KCTD8: variants seen among roughly 807,000 people sequenced by gnomAD.
The protein encoded by KCTD8 is potassium channel tetramerization domain containing 8.
A neutral mutation model predicts 31.5 loss-of-function variants in KCTD8; 27 were observed. The observed-to-expected ratio is 0.86, with a 90% CI of 0.63 to 1.18. KCTD8 has a LOEUF of 1.18. Among genes scored for constraint, KCTD8 ranks in the 50% most tolerant of loss-of-function variants. The pLI is 0.00. For missense variants in KCTD8, 658 were observed against 647.7 expected (o/e 1.02, Z -0.17); for synonymous variants, 290 against 280.0 (o/e 1.04, Z -0.36).
At chr4:44,316,774 C>A (rs1169345898) in intron 1 of KCTD8, among the ~76,000 whole-genome samples, 1 of 124,886 alleles carries the variant, frequency 8.0e-6, no homozygotes, top group African/African-American at 3.1e-5. Flanking sequence ...CACAGTGAAA[C>A]CCCATCTCTA....
chr4:44,203,464 T>C (rs1253555458), intron 1 of KCTD8, among the ~76,000 whole-genome samples: 4 of 128,718 alleles, frequency 3.1e-5, no homozygotes, highest in African/African-American at 9.1e-5. Context: ...TACTCCAGCC[T>C]GGGCTGGGCA....
intron 1 of KCTD8, among the ~76,000 whole-genome samples, chr4:44,444,804 G>A (rs1044606806): frequency 5.5e-5 from 8 of 144,660 alleles, no homozygotes; most frequent in Non-Finnish European, 1.1e-4. Context: ...GGGGGTTGGG[G>A]GGGAATAACA....
chr4:44,437,447 A>G (rs981242808), intron 1 of KCTD8, among the ~76,000 whole-genome samples: 6 of 152,324 alleles, frequency 3.9e-5, no homozygotes, highest in Middle Eastern at 3.4e-3. Context: ...GAATGCATGA[A>G]TAAATATAAA....
intron 1 of KCTD8, among the ~76,000 whole-genome samples, chr4:44,358,138 C>T (rs896242804): frequency 5.3e-5 from 8 of 151,324 alleles, no homozygotes; most frequent in Non-Finnish European, 1.2e-4. Flanking sequence ...TGAGTGAGAA[C>T]ATGCAGTGTT....
intron 1 of KCTD8, among the ~76,000 whole-genome samples, chr4:44,185,092 G>A (rs1713539729): frequency 6.6e-6 from 1 of 152,140 alleles, no homozygotes; most frequent in South Asian, 2.1e-4. Flanking sequence ...TATTAGAAGA[G>A]GTTTCCAAAA....
intron 1 of KCTD8, among the ~76,000 whole-genome samples, chr4:44,369,374 T>C (rs980395802): frequency 6.6e-6 from 1 of 152,192 alleles, no homozygotes; most frequent in Admixed American, 6.5e-5. Context: ...GCTACGAGTA[T>C]GTTCAAAAGA....
At chr4:44,361,518 C>A (rs1719496475) in intron 1 of KCTD8, among the ~76,000 whole-genome samples, 1 of 152,066 alleles carries the variant, frequency 6.6e-6, no homozygotes, top group Admixed American at 6.6e-5. Flanking sequence ...ATTTGTCAAT[C>A]TCTTAAAAAG....
chr4:44,226,184 C>G (rs903309243), intron 1 of KCTD8, among the ~76,000 whole-genome samples: 6 of 152,068 alleles, frequency 3.9e-5, no homozygotes, highest in Non-Finnish European at 8.8e-5. Flanking sequence ...AATGCTCTCC[C>G]TCCCTTTGGC....
chr4:44,181,393 G>A (rs552610917), intron 1 of KCTD8, among the ~76,000 whole-genome samples: 59 of 152,256 alleles, frequency 3.9e-4, no homozygotes, highest in Admixed American at 1.0e-3. Context: ...TTGCAGGCGC[G>A]CACCACCACG....
intron 1 of KCTD8, among the ~76,000 whole-genome samples, chr4:44,222,265 T>C (rs1714829339): frequency 6.6e-6 from 1 of 151,996 alleles, no homozygotes; most frequent in African/African-American, 2.4e-5. Flanking sequence ...GAGTTGAGCC[T>C]GAAGTTGACA....
At chr4:44,260,890 G>C (rs1012683371) in intron 1 of KCTD8, among the ~76,000 whole-genome samples, 3 of 151,988 alleles carry the variant, frequency 2.0e-5, no homozygotes, top group Non-Finnish European at 4.4e-5. Context: ...TACTCCGGTT[G>C]CTGTGTGATA....
At chr4:44,221,335 G>A (rs2109348119) in intron 1 of KCTD8, among the ~76,000 whole-genome samples, 1 of 145,516 alleles carries the variant, frequency 6.9e-6, no homozygotes, top group South Asian at 2.3e-4. Context: ...CATCAGGTGT[G>A]TGTGTGTGTG....
intron 1 of KCTD8, among the ~76,000 whole-genome samples, chr4:44,345,681 C>G (rs1254278319): frequency 2.0e-5 from 3 of 152,018 alleles, no homozygotes; most frequent in Non-Finnish European, 4.4e-5. Flanking sequence ...TCTTTAGGCC[C>G]CAAATATAAA....
At chr4:44,373,058 A>C (rs1719830107) in intron 1 of KCTD8, among the ~76,000 whole-genome samples, 1 of 152,092 alleles carries the variant, frequency 6.6e-6, no homozygotes, top group South Asian at 2.1e-4. Flanking sequence ...CTCATAGACT[A>C]AGATCCTCAA....
chr4:44,406,669 T>C (rs911789025), intron 1 of KCTD8, among the ~76,000 whole-genome samples: 2 of 152,026 alleles, frequency 1.3e-5, no homozygotes, highest in African/African-American at 4.8e-5. Context: ...CTACAAAATA[T>C]AAAATCCAAA....
At chr4:44,215,634 G>A (rs1714625940) in intron 1 of KCTD8, among the ~76,000 whole-genome samples, 2 of 152,130 alleles carry the variant, frequency 1.3e-5, no homozygotes, top group African/African-American at 2.4e-5. Flanking sequence ...AAAACTGCAT[G>A]GAATTGATCA....
chr4:44,299,466 C>T (rs1717539169), intron 1 of KCTD8, among the ~76,000 whole-genome samples: 1 of 152,142 alleles, frequency 6.6e-6, no homozygotes, highest in Non-Finnish European at 1.5e-5. Flanking sequence ...CGCGGTGGCT[C>T]ACGCCTGTAA....
intron 1 of KCTD8, among the ~76,000 whole-genome samples, chr4:44,384,505 T>C (rs922709997): frequency 1.3e-5 from 2 of 151,798 alleles, no homozygotes; most frequent in Non-Finnish European, 2.9e-5. Context: ...CTGGAAAACA[T>C]TATGTTAAGT....
chr4:44,232,938 T>G (rs879640308), intron 1 of KCTD8, among the ~76,000 whole-genome samples: 9 of 151,786 alleles, frequency 5.9e-5, no homozygotes, highest in Non-Finnish European at 1.2e-4. Flanking sequence ...AAAGTTGGAG[T>G]GGGAAAGTGG....
Sources: allele counts gnomAD v4.1 joint callset (sites outside exome capture counted in the v4.1 genomes callset), GRCh38; gene constraint gnomAD v4.1.1; transcripts MANE v1.5; gene names NCBI Gene and HGNC (gene_info 2026-07-23, HGNC 2026-07-21).